Variants in PCDH9 observed in about 807,000 individuals in gnomAD.
PCDH9 encodes the protein protocadherin-9.
PCDH9 carries 24 observed loss-of-function variants against 70.6 expected under a neutral mutation model. The observed-to-expected ratio is 0.34, with a 90% CI of 0.25 to 0.48. The LOEUF is 0.48. Among genes scored for constraint, PCDH9 ranks in the 20% least tolerant of loss-of-function variants. The pLI is 0.99. For missense variants in PCDH9, 1,281 were observed against 1,503.6 expected (o/e 0.85, Z 2.45); for synonymous variants, 562 against 558.5 (o/e 1.01, Z -0.09).
Position 67,228,397 on chromosome 13 carries a change from C to G in PCDH9, c.44G>C (p.Cys15Ser). The G allele has an allele frequency of 6.2e-7, 1 of 1,606,700 alleles. No homozygotes were observed. The highest frequency in any genetic ancestry group is 8.5e-7 in the Non-Finnish European group (1 of 1,176,998). ...AGCTATTGCGGAATCCAGCCTTAAA[C>G]AGGCAATCAGAGCAGCCAACAGGTA... The part of the protein sequence containing the change: ...DFYLLAALIA[C>S]LRLDSAIAQE... Residue 15 changes from cysteine (C) to serine (S), a missense_variant, in exon 2 of 5, where the codon TGT becomes TCT. Physicochemically the swap from Cys to Ser is moderately radical, Grantham distance 112. Transcript: ENST00000377865.
intron 4 of PCDH9, among the ~76,000 whole-genome samples, chr13:66,320,244 C>T (rs1249814289): frequency 6.6e-6 from 1 of 152,052 alleles, no homozygotes; most frequent in Non-Finnish European, 1.5e-5. Flanking sequence ...TAATCGCAGT[C>T]TCTGTGTCTT....
At chr13:66,675,709 A>G (rs73198532) in intron 3 of PCDH9, among the ~76,000 whole-genome samples, 29,652 of 152,008 alleles carry the variant, frequency 0.2, 3,463 homozygotes, top group Non-Finnish European at 0.26. Flanking sequence ...CTAGTACAGA[A>G]TCACTAATAG....
intron 3 of PCDH9, among the ~76,000 whole-genome samples, chr13:66,758,735 T>A (rs1358164733): frequency 6.6e-6 from 1 of 152,072 alleles, no homozygotes; most frequent in Non-Finnish European, 1.5e-5. Context: ...AATTCAACAG[T>A]GATGCCGTCA....
chr13:66,533,837 G>A (rs778107723), intron 4 of PCDH9, among the ~76,000 whole-genome samples: 5 of 151,922 alleles, frequency 3.3e-5, no homozygotes, highest in South Asian at 2.1e-4. Flanking sequence ...TCCAACCTCC[G>A]CAAACATATG....
At chr13:66,680,177 T>C (rs2078299042) in intron 3 of PCDH9, among the ~76,000 whole-genome samples, 1 of 151,996 alleles carries the variant, frequency 6.6e-6, no homozygotes, top group Non-Finnish European at 1.5e-5. Flanking sequence ...TTTTATATTG[T>C]GTCTATCTTG....
chr13:66,940,756 A>C (rs891714665), intron 2 of PCDH9, among the ~76,000 whole-genome samples: 1 of 84 alleles, frequency 0.012, no homozygotes, highest in Non-Finnish European at 0.025. Context: ...AATAGCTTAA[A>C]GAAGTAAAAA....
intron 2 of PCDH9, chr13:67,219,054 T>C (rs1285556044): frequency 3.3e-5 from 5 of 152,018 alleles, no homozygotes; most frequent in African/African-American, 1.2e-4. Flanking sequence ...CCTCAGAAAA[T>C]TCTACTGATT....
At chr13:67,042,953 A>G (rs1021028007) in intron 2 of PCDH9, among the ~76,000 whole-genome samples, 1 of 152,222 alleles carries the variant, frequency 6.6e-6, no homozygotes, top group Admixed American at 6.5e-5. Context: ...CATACAAAAC[A>G]ATAAATTAGA....
intron 2 of PCDH9, chr13:67,214,608 G>A (rs555546558): frequency 6.6e-5 from 10 of 151,928 alleles, no homozygotes; most frequent in East Asian, 5.8e-4. Flanking sequence ...AATGAAAGAC[G>A]AAGCAATTAT....
At chr13:67,224,735 T>C in intron 2 of PCDH9, 2 of 751,820 alleles carry the variant, frequency 2.7e-6, no homozygotes, top group Non-Finnish European at 3.2e-6. Flanking sequence ...GCATTCTTTT[T>C]TTTTTTTTTT....
chr13:67,221,088 T>C (rs1344022812), intron 2 of PCDH9: 3 of 152,066 alleles, frequency 2.0e-5, no homozygotes, highest in African/African-American at 4.8e-5. Flanking sequence ...ACCGATAACA[T>C]TTTAAAAACA....
chr13:66,939,987 G>A (rs1057121193), intron 2 of PCDH9, among the ~76,000 whole-genome samples: 1 of 151,936 alleles, frequency 6.6e-6, no homozygotes, highest in Non-Finnish European at 1.5e-5. Context: ...TTCATTACAT[G>A]TTTTGGATTT....
At chr13:66,461,115 TA>T (rs1469336334) in intron 4 of PCDH9, among the ~76,000 whole-genome samples, 3 of 151,802 alleles carry the variant, frequency 2.0e-5, no homozygotes, top group Non-Finnish European at 4.4e-5. Flanking sequence ...TTCAAAATGC[TA>T]AAATAAATTA....
chr13:66,311,285 C>T (rs367954689), intron 4 of PCDH9, among the ~76,000 whole-genome samples: 2 of 151,860 alleles, frequency 1.3e-5, no homozygotes, highest in Non-Finnish European at 2.9e-5. Context: ...CTCCAGAATA[C>T]TAACACAACA....
At chr13:66,330,637 C>G (rs1197919008) in intron 4 of PCDH9, among the ~76,000 whole-genome samples, 1 of 142,030 alleles carries the variant, frequency 7.0e-6, no homozygotes, top group Non-Finnish European at 1.6e-5. Context: ...GACAAACTTC[C>G]AGAAAAAAAA....
rs114237278 is a variant in PCDH9, at chr13:66,969,468, T to C, written c.3037-65863A>G. ...AGTCTAGAGCCTACAATTATGTTGA[T>C]AGCATAATCCTGTCAGGTGAAAGAA... On this transcript the variant is annotated intron_variant, in intron 2 of 4. Transcript: ENST00000377865. Among the ~76,000 whole-genome samples, 682 of 152,184 alleles carry C rather than the reference T, an allele frequency of 4.5e-3. 3 individuals are homozygous for C. The highest frequency in any genetic ancestry group is 0.015 in the African/African-American group (635 of 41,548).
At chr13:66,661,278 C>A (rs951461105) in intron 3 of PCDH9, among the ~76,000 whole-genome samples, 3 of 152,162 alleles carry the variant, frequency 2.0e-5, no homozygotes, top group African/African-American at 7.2e-5. Context: ...AGAAACCTAA[C>A]ACTTCGATAT....
intron 4 of PCDH9, among the ~76,000 whole-genome samples, chr13:66,331,631 G>A (rs1269736326): frequency 2.6e-5 from 4 of 152,086 alleles, no homozygotes; most frequent in Non-Finnish European, 4.4e-5. Context: ...TTAGCAGAAG[G>A]TTTATTTTTC....
At position 66,304,794 on chromosome 13, in the gene PCDH9, A is replaced by G. The variant is rs1183421669; in HGVS notation, c.3575T>C (p.Phe1192Ser). 7 of 1,613,526 alleles carry G rather than the reference A, an allele frequency of 4.3e-6. No homozygotes were observed. Among genetic ancestry groups the G allele is most frequent in the Non-Finnish European group, 5.9e-6 (7 of 1,179,738 alleles). Residue 1192 changes from phenylalanine (F) to serine (S), a missense_variant, in exon 5 of 5, where the codon TTC (phenylalanine) becomes TCC (serine). This residue lies in a region of PCDH9 where 264 missense variants were observed against 278.8 expected (regional missense o/e 0.95). Coordinates refer to ENST00000377865, the MANE Select transcript of PCDH9 (RefSeq NM_203487.3). ...AWKEDSNRNQ[F>S]NDRKQYGSNE... is the part of the protein sequence containing the mutation. ...GGAGCCATACTGCTTACGGTCATTG[A>G]ACTGGTTCCTGTTGCTGTCTTCTTT...
Sources: gnomAD v4.1 joint callset for allele counts (sites outside exome capture counted in the v4.1 genomes callset) on GRCh38, gnomAD v4.1.1 for gene constraint, gnomAD v4.1.1 regional missense constraint, MANE v1.5 for transcripts, NCBI Gene and HGNC (gene_info 2026-07-23, HGNC 2026-07-21) for gene names.